CLSPN: variants seen among roughly 807,000 people sequenced by gnomAD.
The protein encoded by CLSPN is claspin homolog.
CLSPN carries 85 observed loss-of-function variants against 156.3 expected under a neutral mutation model. The ratio of observed to expected loss-of-function variants is 0.54; its 90% CI spans 0.46 to 0.65. The LOEUF (loss-of-function observed/expected upper bound fraction) is 0.65. Among genes scored for constraint, CLSPN ranks in the 30% least tolerant of loss-of-function variants. CLSPN has a pLI of 0.00. For synonymous variants in CLSPN, 534 were observed against 542.4 expected (o/e 0.98, Z 0.22); for missense variants, 1,407 against 1,554.9 (o/e 0.90, Z 1.60).
At position 35,737,369 on chromosome 1, in the gene CLSPN, A is replaced by C. The variant is rs1404133294; in HGVS notation, c.3717T>G (p.Phe1239Leu). ...GAGCACTTCCTGGTCTGATGGCTTC[A>C]AAAGGATTTCTGAGCAAAGACTTTG... ...QESKSLLRNP[F>L]EAIRPGSAQQ... The change falls in exon 23 of 25, where the codon TTT becomes TTG. Residue 1239 changes from phenylalanine to leucine, a missense_variant. Physicochemically the swap from Phe to Leu is conservative, Grantham distance 22. Transcript: ENST00000318121. The C allele has an allele frequency of 1.2e-6, 2 of 1,613,942 alleles. No homozygotes were observed. The highest frequency in any genetic ancestry group is 4.5e-5 in the East Asian group (2 of 44,896).
intron 1 of CLSPN, among the ~76,000 whole-genome samples, chr1:35,769,146 T>A (rs1057057153): frequency 2.0e-5 from 3 of 152,338 alleles, no homozygotes; most frequent in East Asian, 1.9e-4. Flanking sequence ...TTTGGTTTTT[T>A]AAAAATATTG....
At position 35,734,517 on chromosome 1, in the gene CLSPN, T is replaced by C; in HGVS notation, c.*1979A>G. 2.8e-6 allele frequency: 1 copy of C among 356,134 alleles called. No individual in the cohort carries two copies. The highest frequency in any genetic ancestry group is 3.9e-6 in the Non-Finnish European group (1 of 255,512). 22.1% of individuals were successfully genotyped at this position (356,134 alleles called of 1,614,324 possible). ...CAACATGGCGAAACCTCATCTCTAA[T>C]AAAAATACAAAAAATTAGCTGGGAG... On this transcript the variant is annotated 3_prime_UTR_variant, in exon 25 of 25. Transcript: ENST00000318121.
chr1:35,740,211 T>C (rs905899136), intron 18 of CLSPN, among the ~76,000 whole-genome samples: 1 of 152,140 alleles, frequency 6.6e-6, no homozygotes, highest in African/African-American at 2.4e-5. Flanking sequence ...GCCTAACAAA[T>C]CTTGACCCCC....
intron 24 of CLSPN, chr1:35,720,994 A>C: frequency 1.9e-6 from 3 of 1,575,520 alleles, no homozygotes; most frequent in Non-Finnish European, 2.6e-6. Context: ...AAACGAAATT[A>C]AAGGAAGACG....
chr1:35,760,761 G>A lies in CLSPN; in HGVS notation c.1160C>T (p.Thr387Ile), dbSNP rs1642447242. 6.2e-7 allele frequency: 1 copy of A among 1,613,716 alleles called. No homozygotes were observed. The highest frequency in any genetic ancestry group is 8.5e-7 in the Non-Finnish European group (1 of 1,180,032). ...CTCATCTGATCCAGTAATGATCTGG[G>A]TTTCCTTTGAAACTACAGGGAGTGC... The part of the protein sequence containing the change: ...TNALPVVSKE[T>I]QIITGSDESC... Residue 387 changes from threonine (T) to isoleucine (I), a missense_variant, in exon 8 of 25, where the codon ACC (threonine) becomes ATC (isoleucine). Thr to Ile is a moderately conservative substitution (Grantham distance 89). Transcript: ENST00000318121.
chr1:35,748,479 A>G lies in CLSPN; in HGVS notation c.2398T>C (p.Phe800Leu), dbSNP rs1204110995. Reference sequence around the variant, plus strand: ...GATCTGAATCCTCCTGCTGTAGGGAAAAAACTGGTCCCACGGCCTGTTTGT... The same window carrying G: ...GATCTGAATCCTCCTGCTGTAGGGAGAAAACTGGTCCCACGGCCTGTTTGT... The part of the protein sequence containing the change: ...NRQTGRGTSF[F>L]PTAGGFRSPS... The change falls in exon 13 of 25, where the codon TTC (phenylalanine) becomes CTC (leucine). Residue 800 changes from phenylalanine to leucine, a missense_variant. Physicochemically the swap from Phe to Leu is conservative, Grantham distance 22. Coordinates refer to ENST00000318121, the MANE Select transcript of CLSPN (RefSeq NM_022111.4). The G allele has an allele frequency of 8.1e-6, 13 of 1,614,180 alleles. No homozygotes were observed. The highest frequency in any genetic ancestry group is 1.1e-5 in the Non-Finnish European group (13 of 1,180,032).
At chr1:35,741,248 A>G (rs1370964227) in intron 18 of CLSPN, among the ~76,000 whole-genome samples, 3 of 152,228 alleles carry the variant, frequency 2.0e-5, no homozygotes, top group Non-Finnish European at 4.4e-5. Context: ...ATTAAGGGGA[A>G]CAAACTAACT....
In CLSPN at chr1:35,732,668, C is replaced by T; in HGVS notation, c.*3828G>A. On this transcript the variant is annotated 3_prime_UTR_variant, in exon 25 of 25. Transcript: ENST00000318121. ...ATCTCCCACACTCATGGGCTCTCAT[C>T]CCTCCAAATATGTAATTTCCAAGCT... The T allele has an allele frequency of 1.0e-6, 1 of 985,428 alleles. No homozygotes were observed. The highest frequency in any genetic ancestry group is 1.2e-6 in the Non-Finnish European group (1 of 829,938). The allele number at this position is 985,428 out of a possible 1,614,324, so 61.0% of individuals were successfully genotyped here.
At chr1:35,721,019 C>G (rs745707128) in intron 24 of CLSPN, 29 of 1,390,476 alleles carry the variant, frequency 2.1e-5, no homozygotes, top group Non-Finnish European at 2.6e-5. Context: ...AGGGAAGAAA[C>G]AGAGATGAGA....
rs761047417 is a variant in CLSPN at position 35,738,507 on chromosome 1, T to A, written c.3506A>T (p.Glu1169Val). ...AATTCGCTCCTTCCTCCACCTGGCT[T>A]CTGACTCATCAAGCTGTTCTTCAGT... ...DQTEEQLDES[E>V]ARWRKERIER... Residue 1169 changes from glutamate to valine, a missense_variant, in exon 21 of 25, where the codon GAA (glutamate) becomes GTA (valine). Transcript: ENST00000318121. 1.2e-6 allele frequency: 2 copies of A among 1,614,026 alleles called. No homozygotes were observed. The highest frequency in any genetic ancestry group is 1.1e-5 in the South Asian group (1 of 91,074).
chr1:35,742,702 A>G (rs991116753), intron 18 of CLSPN, among the ~76,000 whole-genome samples: 9 of 151,456 alleles, frequency 5.9e-5, no homozygotes, highest in African/African-American at 2.2e-4. Flanking sequence ...TAATGCCTGT[A>G]AAGCACAGTT....
Position 35,734,129 on chromosome 1 carries a change from A to C in CLSPN, c.*2367T>G, listed in dbSNP as rs1446149617. 1 of 985,356 alleles carries C rather than the reference A, an allele frequency of 1.0e-6. No homozygotes were observed. 61.0% of individuals were successfully genotyped at this position (985,356 alleles called of 1,614,324 possible). The stretch of plus-strand genomic sequence containing the variant: ...GAGAAGCCAGTGAGGGGACAATTGC[A>C]GCAGCTTCTCAGTTTAGACCCAGAG... On this transcript the variant is annotated 3_prime_UTR_variant, in exon 25 of 25. Transcript: ENST00000318121.
chr1:35,731,876 T>C (rs1202647164), downstream of CLSPN, among the ~76,000 whole-genome samples: 1 of 152,160 alleles, frequency 6.6e-6, no homozygotes, highest in South Asian at 2.1e-4. Context: ...TTTGAGATAT[T>C]TGAGAAACAA....
At chr1:35,766,650 G>A (rs775084875) in intron 1 of CLSPN, among the ~76,000 whole-genome samples, 18 of 151,216 alleles carry the variant, frequency 1.2e-4, no homozygotes, top group Non-Finnish European at 2.1e-4. Flanking sequence ...CTCCATGTTA[G>A]TCAGGCTGGT....
chr1:35,759,831 T>TG (rs1050928756), intron 8 of CLSPN, among the ~76,000 whole-genome samples: 1 of 141,800 alleles, frequency 7.1e-6, no homozygotes, highest in African/African-American at 2.6e-5. Flanking sequence ...TCAACAACCT[T>TG]TTTTTTTTTT....
At chr1:35,724,312 T>C (rs1427622729) in intron 24 of CLSPN, among the ~76,000 whole-genome samples, 30 of 152,004 alleles carry the variant, frequency 2.0e-4, no homozygotes, top group Admixed American at 2.0e-3. Flanking sequence ...AGAGAAGGCA[T>C]AGGAGACTGC....
chr1:35,755,360 G>A (rs945715149), intron 8 of CLSPN, among the ~76,000 whole-genome samples: 5 of 151,114 alleles, frequency 3.3e-5, no homozygotes, highest in African/African-American at 1.2e-4. Context: ...TCCACCTCCT[G>A]GGTTCAAGCA....
At chr1:35,767,910 G>A (rs1369864589) in intron 1 of CLSPN, among the ~76,000 whole-genome samples, 1 of 152,174 alleles carries the variant, frequency 6.6e-6, no homozygotes, top group African/African-American at 2.4e-5. Context: ...AGGAGGAGGG[G>A]TGTGTTAGGT....
At chr1:35,736,661 C>T (rs894369052) in intron 24 of CLSPN, 55 bp from the exon 25 acceptor site, 70 of 1,544,458 alleles carry the variant, frequency 4.5e-5, no homozygotes, top group Middle Eastern at 1.8e-4. Context: ...CAAGTATTTA[C>T]CTTCAATTAG....
Sources: allele counts gnomAD v4.1 joint callset (sites outside exome capture counted in the v4.1 genomes callset), GRCh38; gene constraint gnomAD v4.1.1; transcripts MANE v1.5; gene names NCBI Gene and HGNC (gene_info 2026-07-23, HGNC 2026-07-21).